FNDC7: variants seen among roughly 807,000 people sequenced by gnomAD.
The protein encoded by FNDC7 is fibronectin type III domain containing 7.
A neutral mutation model predicts 74.2 loss-of-function variants in FNDC7; 66 were observed. That is an observed-to-expected ratio of 0.89 (90% confidence interval 0.73 to 1.09). The LOEUF (loss-of-function observed/expected upper bound fraction) is 1.09. FNDC7 is among the 50% of genes least tolerant of loss of function. The probability of loss-of-function intolerance (pLI) is 0.00; values close to 1 mark genes in which losing one functional copy is unlikely to be tolerated. For missense variants in FNDC7, 829 were observed against 893.4 expected, an observed-to-expected ratio of 0.93 and a Z score of 0.92; for synonymous variants, 307 against 330.2, an observed-to-expected ratio of 0.93 and a Z score of 0.76.
At chr1:108,735,983 T>C (rs1440664238) in intron 10 of FNDC7, among the ~76,000 whole-genome samples, 1 of 152,076 alleles carries the variant, frequency 6.6e-6, no homozygotes, top group African/African-American at 2.4e-5. Flanking sequence ...TTTTTAAAAT[T>C]TTTTTGTAGA....
At chr1:108,741,008 A>C (rs1661631891) in intron 11 of FNDC7, among the ~76,000 whole-genome samples, 2 of 152,366 alleles carry the variant, frequency 1.3e-5, no homozygotes, top group South Asian at 4.1e-4. Flanking sequence ...TATCAGCATC[A>C]GCTGGGAACC....
rs1270207456 is a variant in FNDC7 at position 108,731,018 on chromosome 1, G to C, written c.1879+90G>C. 4 of 1,362,516 alleles carry C rather than the reference G, an allele frequency of 2.9e-6. No individual in the cohort carries two copies. In the African/African-American group the frequency reaches 5.9e-5, roughly 20 times the overall value. The allele number at this position is 1,362,516 out of a possible 1,614,324, so 84.4% of individuals were successfully genotyped here. On this transcript the variant is annotated intron_variant, in intron 9 of 12. Transcript: ENST00000370017. ...TTTCCTCCTCATTTAAAAAGATGCT[G>C]CATCTCCACCTAGTTTGCATTATAA...
At chr1:108,728,189 A>T in intron 7 of FNDC7, 124 bp downstream of exon 7, 1 of 1,206,648 alleles carries the variant, frequency 8.3e-7, no homozygotes, top group Non-Finnish European at 1.2e-6. Flanking sequence ...CTTTGTGGAG[A>T]CCAAGAGAGC....
rs375237197 is a variant in FNDC7, at chr1:108,742,691, T to G, written c.*804T>G. 1 of 152,232 alleles carries G rather than the reference T, an allele frequency of 6.6e-6. No homozygotes were observed. Among genetic ancestry groups the G allele is most frequent in the African/African-American group, 2.4e-5 (1 of 41,456 alleles). 9.4% of individuals were successfully genotyped at this position (152,232 alleles called of 1,614,324 possible). A position where few individuals can be genotyped will look rare whatever the true frequency, so the allele number is the denominator to read the frequency against. On this transcript the variant is annotated 3_prime_UTR_variant, in exon 13 of 13. Coordinates refer to ENST00000370017, the MANE Select transcript of FNDC7 (RefSeq NM_001144937.3). ...CCCCCACTCATATTGTAATTACTTT[T>G]TTCATCTTTGGAGGGGGAAGGCAAT...
chr1:108,726,436 C>A (rs1176239192), intron 6 of FNDC7, among the ~76,000 whole-genome samples: 1 of 152,248 alleles, frequency 6.6e-6, no homozygotes, highest in Non-Finnish European at 1.5e-5. Context: ...TACACCCTAA[C>A]TTGACCACTA....
intron 4 of FNDC7, among the ~76,000 whole-genome samples, chr1:108,721,870 C>T (rs1048163814): frequency 1.3e-5 from 2 of 152,068 alleles, no homozygotes; most frequent in Middle Eastern, 3.2e-3. Context: ...TCAAAAGTAA[C>T]GAAGGGATAT....
chr1:108,731,626 G>A (rs1256339057), intron 9 of FNDC7, among the ~76,000 whole-genome samples: 3 of 152,236 alleles, frequency 2.0e-5, no homozygotes, highest in Non-Finnish European at 4.4e-5. Flanking sequence ...TGGCATCCTA[G>A]AGGTAGTAGA....
At chr1:108,735,327 G>A (rs1661484405) in intron 10 of FNDC7, among the ~76,000 whole-genome samples, 1 of 152,122 alleles carries the variant, frequency 6.6e-6, no homozygotes, top group South Asian at 2.1e-4. Flanking sequence ...TCCAGCCTCT[G>A]TAATGCTACC....
rs1378923910 is a variant in FNDC7, at chr1:108,728,687, T to C, written c.1425T>C (p.Asn475=). ...CAAGGGATGCATTCTCCATGATTAA[T>C]GTGCACTGGCGATCCACTAATGATG... is the stretch of plus-strand genomic sequence containing the variant. ...NVSRDAFSMI[N]VHWRSTNDDA... The change falls in exon 8 of 13, where the codon AAT becomes AAC. Residue 475 remains asparagine (N), a synonymous_variant. Coordinates refer to ENST00000370017, the MANE Select transcript of FNDC7 (RefSeq NM_001144937.3). 1 of 1,614,256 alleles carries C rather than the reference T, an allele frequency of 6.2e-7. No individual in the cohort carries two copies. The highest frequency in any genetic ancestry group is 1.7e-5 in the Admixed American group (1 of 60,030).
At chr1:108,722,233 C>T (rs1570726806) in intron 4 of FNDC7, 102 bp from the exon 5 acceptor site, 7 of 1,182,110 alleles carry the variant, frequency 5.9e-6, no homozygotes, top group East Asian at 5.2e-5. Flanking sequence ...AATTATCCAA[C>T]TATTGGGTAC....
At chr1:108,721,749 A>G (rs1375032986) in intron 4 of FNDC7, among the ~76,000 whole-genome samples, 1 of 152,240 alleles carries the variant, frequency 6.6e-6, no homozygotes, top group Non-Finnish European at 1.5e-5. Flanking sequence ...ATATGTATGC[A>G]TCACACTTGA....
At chr1:108,721,839 C>T (rs565054927) in intron 4 of FNDC7, among the ~76,000 whole-genome samples, 2 of 152,122 alleles carry the variant, frequency 1.3e-5, no homozygotes, top group Non-Finnish European at 2.9e-5. Context: ...AAAGCTATTA[C>T]AGTAAAAGTT....
At chr1:108,737,575 T>G in intron 11 of FNDC7, 51 bp downstream of exon 11, 1 of 1,485,362 alleles carries the variant, frequency 6.7e-7, no homozygotes, top group Non-Finnish European at 9.2e-7. Context: ...TGTTGCTCCA[T>G]TTTGGGGTTA....
chr1:108,727,678 A>G (rs952171783), intron 6 of FNDC7, 130 bp from the exon 7 acceptor site: 19 of 1,106,864 alleles, frequency 1.7e-5, no homozygotes, highest in Non-Finnish European at 2.5e-5. Context: ...TGACAGACCC[A>G]TAGGGAGTCA....
At position 108,730,914 on chromosome 1, in the gene FNDC7, A is replaced by G. The variant is rs1245752553; in HGVS notation, c.1865A>G (p.Gln622Arg). ...ATGLTADCSY[Q>R]SYFSGACCPL... is the part of the protein sequence containing the mutation. ...GGGTTGACTGCAGATTGCTCCTACCAAAGTTATTTCTCTGGTAAGTGAACT... is the reference window on the plus strand; with the variant it reads ...GGGTTGACTGCAGATTGCTCCTACCGAAGTTATTTCTCTGGTAAGTGAACT... Residue 622 changes from glutamine (Q) to arginine (R), a missense_variant, in exon 9 of 13, where the codon CAA (glutamine) becomes CGA (arginine). Coordinates refer to ENST00000370017, the MANE Select transcript of FNDC7 (RefSeq NM_001144937.3). 1 of 1,611,002 alleles carries G rather than the reference A, an allele frequency of 6.2e-7. No homozygotes were observed. Among genetic ancestry groups the G allele is most frequent in the Non-Finnish European group, 8.5e-7 (1 of 1,178,306 alleles).
chr1:108,714,656 G>C lies in FNDC7; in HGVS notation c.82+1127G>C, dbSNP rs531369320. Among the ~76,000 whole-genome samples the C allele has an allele frequency of 3.5e-5, 5 of 142,142 alleles. No homozygotes were observed. The East Asian group carries it at 1.0e-3, about 29-fold the overall frequency. The allele number at this position is 142,142 out of a possible 152,430, so 93.3% of individuals were successfully genotyped here. ...CAGAGTCTCTGTCGCCCAGGCTGGA[G>C]TGCAGTGGTGCAATCTCGGTTCACT... On this transcript the variant is annotated intron_variant, in intron 2 of 12. Transcript: ENST00000370017.
At chr1:108,716,571 T>C (rs996916807) in intron 2 of FNDC7, among the ~76,000 whole-genome samples, 7 of 152,234 alleles carry the variant, frequency 4.6e-5, no homozygotes, top group African/African-American at 1.7e-4. Flanking sequence ...AAGGAATGTC[T>C]GGCCAGGGCA....
intron 8 of FNDC7, 31 bp downstream of exon 8, chr1:108,728,917 C>T: frequency 6.2e-7 from 1 of 1,605,708 alleles, no homozygotes. Context: ...TGAATGTTGA[C>T]TTCAGTGGGG....
At position 108,727,877 on chromosome 1, in the gene FNDC7, C is replaced by T. The variant is rs1269411060; in HGVS notation, c.1181C>T (p.Pro394Leu). Reference protein sequence around the residue: ...SSDRVEIVWSPVRGAELYETK... With the variant: ...SSDRVEIVWSLVRGAELYETK... ...GACAGAGTTGAGATTGTCTGGTCTCCTGTCCGTGGTGCCGAACTGTATGAA... is the reference window on the plus strand; with the variant it reads ...GACAGAGTTGAGATTGTCTGGTCTCTTGTCCGTGGTGCCGAACTGTATGAA... Residue 394 changes from proline to leucine, a missense_variant, in exon 7 of 13, where the codon CCT becomes CTT. Physicochemically the swap from Pro to Leu is moderately conservative, Grantham distance 98. Transcript: ENST00000370017. 1 of 1,614,156 alleles carries T rather than the reference C, an allele frequency of 6.2e-7. No individual in the cohort carries two copies. The highest frequency in any genetic ancestry group is 2.2e-5 in the East Asian group (1 of 44,878).
Sources: gnomAD v4.1 joint callset for allele counts (sites outside exome capture counted in the v4.1 genomes callset) on GRCh38, gnomAD v4.1.1 for gene constraint, MANE v1.5 for transcripts, NCBI Gene and HGNC (gene_info 2026-07-23, HGNC 2026-07-21) for gene names.